DISP2: variants seen among roughly 807,000 people sequenced by gnomAD.
DISP2 encodes protein dispatched homolog 2.
A neutral mutation model predicts 95.5 loss-of-function variants in DISP2; 59 were observed. That is an observed-to-expected ratio of 0.62 (90% confidence interval 0.50 to 0.77). The LOEUF is 0.77. Among genes scored for constraint, DISP2 ranks in the 30% least tolerant of loss-of-function variants. The pLI is 0.00. For missense variants in DISP2, 1,752 were observed against 1,854.6 expected (o/e 0.94, Z 1.02); for synonymous variants, 827 against 815.0 (o/e 1.01, Z -0.25).
rs769590312 is a variant in DISP2 at position 40,368,974 on chromosome 15, T to C, written c.2862T>C (p.Tyr954=). The part of the protein sequence containing the change: ...RGWFTSRLEL[Y]SLQHSLSTEP... Reference sequence around the variant, plus strand: ...GGTTCACTAGCCGTCTAGAGCTGTATAGCCTGCAGCACAGCCTGAGCACTG... The same window carrying C: ...GGTTCACTAGCCGTCTAGAGCTGTACAGCCTGCAGCACAGCCTGAGCACTG... Residue 954 remains tyrosine (Y), a synonymous_variant, in exon 8 of 8, where the codon TAT becomes TAC. Coordinates refer to ENST00000267889, the MANE Select transcript of DISP2 (RefSeq NM_033510.3). The C allele has an allele frequency of 4.3e-6, 7 of 1,613,874 alleles. No individual in the cohort carries two copies. The highest frequency in any genetic ancestry group is 5.9e-6 in the Non-Finnish European group (7 of 1,180,052).
At position 40,367,894 on chromosome 15, in the gene DISP2, G is replaced by A. The variant is rs1383952485; in HGVS notation, c.1782G>A (p.Leu594=). ...TGCACCACTTCGGCTACCTGCTGCTGGTCTCCGGCCTCACCACGAGCGCGG... is the reference window on the plus strand; with the variant it reads ...TGCACCACTTCGGCTACCTGCTGCTAGTCTCCGGCCTCACCACGAGCGCGG... The part of the protein sequence containing the change: ...RTMHHFGYLL[L]VSGLTTSAAF... Residue 594 remains leucine (L), a synonymous_variant, in exon 8 of 8, where the codon CTG becomes CTA. Coordinates refer to ENST00000267889, the MANE Select transcript of DISP2 (RefSeq NM_033510.3). 2 of 1,598,552 alleles carry A rather than the reference G, an allele frequency of 1.3e-6. No homozygotes were observed. Among genetic ancestry groups the A allele is most frequent in the Non-Finnish European group, 1.7e-6 (2 of 1,179,424 alleles).
Position 40,369,929 on chromosome 15 carries a change from G to C in DISP2, c.3817G>C (p.Ala1273Pro), listed in dbSNP as rs1323647080. The change falls in exon 8 of 8, where the codon GCC becomes CCC. Residue 1273 changes from alanine to proline, a missense_variant. Ala to Pro is a conservative substitution (Grantham distance 27). Coordinates refer to ENST00000267889, the MANE Select transcript of DISP2 (RefSeq NM_033510.3). ...AGAAGCCCCAGCCCACTCTCCTAAG[G>C]CCAAGGCTGCAGATCCTCCTGATGG... Reference protein sequence around the residue: ...SPEAPAHSPKAKAADPPDGFC... With the variant: ...SPEAPAHSPKPKAADPPDGFC... 2 of 1,597,104 alleles carry C rather than the reference G, an allele frequency of 1.3e-6. No individual in the cohort carries two copies. The highest frequency in any genetic ancestry group is 1.7e-6 in the Non-Finnish European group (2 of 1,171,078).
chr15:40,367,561 C>A lies in DISP2; in HGVS notation c.1449C>A (p.His483Gln), dbSNP rs1310413543. 5 of 1,613,942 alleles carry A rather than the reference C, an allele frequency of 3.1e-6. No individual in the cohort carries two copies. The highest frequency in any genetic ancestry group is 4.2e-6 in the Non-Finnish European group (5 of 1,180,012). Residue 483 changes from histidine to glutamine, a missense_variant, in exon 8 of 8, where the codon CAC becomes CAA. Coordinates refer to ENST00000267889, the MANE Select transcript of DISP2 (RefSeq NM_033510.3). The stretch of plus-strand genomic sequence containing the variant: ...GCCTCAAGCAGGAGCTGCTGAGGCA[C>A]TTCCTGGTCCAGGACACGGTGTACC... ...DLGLKQELLRHFLVQDTVYPL... is the reference protein window; with the variant it reads ...DLGLKQELLRQFLVQDTVYPL...
chr15:40,366,525 C>G (rs970461240), intron 7 of DISP2, among the ~76,000 whole-genome samples: 1 of 152,224 alleles, frequency 6.6e-6, no homozygotes, highest in African/African-American at 2.4e-5. Flanking sequence ...GGTCAGTGCT[C>G]TCTGTACTAC....
At position 40,369,247 on chromosome 15, in the gene DISP2, C is replaced by T. The variant is rs1258083583; in HGVS notation, c.3135C>T (p.His1045=). ...NYCISYHLCP[H]PDRLSRVAFS... ...GCATCTCCTATCACCTGTGCCCACA[C>T]CCTGACCGCCTGAGCCGTGTGGCCT... The change falls in exon 8 of 8, where the codon CAC becomes CAT. Residue 1045 remains histidine, a synonymous_variant. Transcript: ENST00000267889. The T allele has an allele frequency of 2.5e-6, 4 of 1,613,740 alleles. No individual in the cohort carries two copies. The highest frequency in any genetic ancestry group is 3.4e-6 in the Non-Finnish European group (4 of 1,180,048).
chr15:40,369,776 C>T lies in DISP2; in HGVS notation c.3664C>T (p.Gln1222Ter). 6.2e-7 allele frequency: 1 copy of T among 1,605,342 alleles called. No homozygotes were observed. The highest frequency in any genetic ancestry group is 8.5e-7 in the Non-Finnish European group (1 of 1,176,128). ...ASPRELLLDH[Q>*]AVFSQCPALQ... Reference sequence around the variant, plus strand: ...CCCAAGGGAGCTGCTGCTGGACCACCAGGCAGTCTTCAGCCAGTGCCCTGC... The same window carrying T: ...CCCAAGGGAGCTGCTGCTGGACCACTAGGCAGTCTTCAGCCAGTGCCCTGC... The change falls in exon 8 of 8, where the codon CAG (glutamine) becomes TAG (stop). Residue 1222 changes from glutamine to a stop codon, truncating the protein, a stop_gained. Transcript: ENST00000267889. LOFTEE classifies it high-confidence loss of function.
chr15:40,358,386 G>A lies in DISP2; in HGVS notation c.65G>A (p.Gly22Glu), dbSNP rs1889351073. The change falls in exon 1 of 8, where the codon GGG becomes GAG. Residue 22 changes from glycine to glutamate, a missense_variant. Physicochemically the swap from Gly to Glu is moderately conservative, Grantham distance 98. Around this residue, in one of 5 missense-constraint regions of DISP2, gnomAD observed 342 missense variants for 364.3 expected, o/e 0.94. Transcript: ENST00000267889. ...CCGGCTCCCGGCCCGGGTCCGGAAG[G>A]GGAGCAACGGCCCGAGGGGGAGCCC... ...SGPAPGPGPE[G>E]EQRPEGEPLA... 1.5e-6 allele frequency: 2 copies of A among 1,358,810 alleles called. No individual in the cohort carries two copies. The highest frequency in any genetic ancestry group is 1.9e-6 in the Non-Finnish European group (2 of 1,058,760). 84.2% of individuals were successfully genotyped at this position (1,358,810 alleles called of 1,614,324 possible). A position where few individuals can be genotyped will look rare whatever the true frequency, so the allele number is the denominator to read the frequency against.
chr15:40,369,254 C>T lies in DISP2; in HGVS notation c.3142C>T (p.Arg1048Cys), dbSNP rs1889584522. The T allele has an allele frequency of 6.2e-7, 1 of 1,613,830 alleles. No homozygotes were observed. The highest frequency in any genetic ancestry group is 1.7e-5 in the Admixed American group (1 of 60,028). The change falls in exon 8 of 8, where the codon CGC becomes TGC. Residue 1048 changes from arginine (R) to cysteine (C), a missense_variant. By Grantham distance (180) the Arg-to-Cys change is radical. Transcript: ENST00000267889. Reference protein sequence around the residue: ...ISYHLCPHPDRLSRVAFSLRQ... With the variant: ...ISYHLCPHPDCLSRVAFSLRQ... ...CTATCACCTGTGCCCACACCCTGAC[C>T]GCCTGAGCCGTGTGGCCTTCTCTCT... is the stretch of plus-strand genomic sequence containing the variant.
chr15:40,369,920 T>C lies in DISP2; in HGVS notation c.3808T>C (p.Ser1270Pro). 6.3e-7 allele frequency: 1 copy of C among 1,580,824 alleles called. No individual in the cohort carries two copies. Among genetic ancestry groups the C allele is most frequent in the Non-Finnish European group, 8.6e-7 (1 of 1,161,538 alleles). Reference protein sequence around the residue: ...LPASPEAPAHSPKAKAADPPD... With the variant: ...LPASPEAPAHPPKAKAADPPD... ...AGCCTCACCAGAAGCCCCAGCCCAC[T>C]CTCCTAAGGCCAAGGCTGCAGATCC... is the stretch of plus-strand genomic sequence containing the variant. Residue 1270 changes from serine to proline, a missense_variant, in exon 8 of 8, where the codon TCT (serine) becomes CCT (proline). Coordinates refer to ENST00000267889, the MANE Select transcript of DISP2 (RefSeq NM_033510.3).
At position 40,368,919 on chromosome 15, in the gene DISP2, G is replaced by T. The variant is rs778248878; in HGVS notation, c.2807G>T (p.Gly936Val). The T allele has an allele frequency of 6.2e-6, 10 of 1,613,748 alleles. No individual in the cohort carries two copies. The highest frequency in any genetic ancestry group is 8.5e-6 in the Non-Finnish European group (10 of 1,180,056). ...AGCCACTGGCTGGCAGCGGAGCTGG[G>T]CATGGCACCTCCAGGCCTCCGCCGT... ...EVSHWLAAEL[G>V]MAPPGLRRGW... The change falls in exon 8 of 8, where the codon GGC becomes GTC. Residue 936 changes from glycine to valine, a missense_variant. By Grantham distance (109) the Gly-to-Val change is moderately radical. This residue lies in a region of DISP2 where 317 missense variants were observed against 394.9 expected (regional missense o/e 0.80). Transcript: ENST00000267889.
At chr15:40,361,040 G>A (rs1204451164) in intron 1 of DISP2, among the ~76,000 whole-genome samples, 1 of 152,246 alleles carries the variant, frequency 6.6e-6, no homozygotes, top group Admixed American at 6.5e-5. Context: ...CTGGCCCACA[G>A]GGATTGGCCT....
intron 6 of DISP2, among the ~76,000 whole-genome samples, 153 bp downstream of exon 6, chr15:40,365,427 G>A (rs1889481910): frequency 6.6e-6 from 1 of 152,214 alleles, no homozygotes; most frequent in Non-Finnish European, 1.5e-5. Context: ...AGCTGGGATA[G>A]GGGAGTTCTC....
At position 40,365,643 on chromosome 15, in the gene DISP2, A is replaced by T; in HGVS notation, c.863A>T (p.Lys288Met). The change falls in exon 7 of 8, where the codon AAG (lysine) becomes ATG (methionine). Residue 288 changes from lysine to methionine, a missense_variant. Lys to Met is a moderately conservative substitution (Grantham distance 95). This residue lies in a region of DISP2 where 14 missense variants were observed against 36.6 expected (regional missense o/e 0.38). Coordinates refer to ENST00000267889, the MANE Select transcript of DISP2 (RefSeq NM_033510.3). Reference sequence around the variant, plus strand: ...TATGTTGCAGAGAAGAGCTATGCAAAGCTGGTGTTCATGTCCACCTCCTCG... The same window carrying T: ...TATGTTGCAGAGAAGAGCTATGCAATGCTGGTGTTCATGTCCACCTCCTCG... ...FCGPPEKSYA[K>M]LVFMSTSSGS... 1 of 1,614,136 alleles carries T rather than the reference A, an allele frequency of 6.2e-7. No individual in the cohort carries two copies. Among genetic ancestry groups the T allele is most frequent in the Non-Finnish European group, 8.5e-7 (1 of 1,179,996 alleles).
chr15:40,367,939 G>A lies in DISP2; in HGVS notation c.1827G>A (p.Leu609=), dbSNP rs1313282167. 2 of 1,588,326 alleles carry A rather than the reference G, an allele frequency of 1.3e-6. No individual in the cohort carries two copies. The highest frequency in any genetic ancestry group is 8.5e-7 in the Non-Finnish European group (1 of 1,175,356). Residue 609 remains leucine (L), a synonymous_variant, in exon 8 of 8, where the codon CTG becomes CTA. Coordinates refer to ENST00000267889, the MANE Select transcript of DISP2 (RefSeq NM_033510.3). ...GCGCGGCCTTCTATGCCAGCTACCT[G>A]AGCCGCCTGCCGGCCGTTCGCTGCC... ...TTSAAFYASY[L]SRLPAVRCLA...
Position 40,375,380 on chromosome 15 carries a change from G to T in DISP2, c.*5062G>T, listed in dbSNP as rs1337408323. 6 of 152,298 alleles carry T rather than the reference G, an allele frequency of 3.9e-5. No homozygotes were observed. The highest frequency in any genetic ancestry group is 1.4e-4 in the African/African-American group (6 of 41,556). 9.4% of individuals were successfully genotyped at this position (152,298 alleles called of 1,614,324 possible). On this transcript the variant is annotated 3_prime_UTR_variant, in exon 8 of 8. Transcript: ENST00000267889. ...AAATCACACAGCTGAGCAGATTGAT[G>T]TAGATTTGAATTCATGACCACCTAT...
Position 40,369,436 on chromosome 15 carries a change from A to G in DISP2, c.3324A>G (p.Gln1108=), listed in dbSNP as rs1889591183. ...VSCGFASFFF[Q]SLCCFFGPEK... ...GTGGCTTTGCCAGCTTCTTCTTCCA[A>G]TCTCTCTGCTGTTTCTTCGGGCCAG... The change falls in exon 8 of 8, where the codon CAA becomes CAG. Residue 1108 remains glutamine, a synonymous_variant. Coordinates refer to ENST00000267889, the MANE Select transcript of DISP2 (RefSeq NM_033510.3). The G allele has an allele frequency of 6.2e-7, 1 of 1,613,308 alleles. No homozygotes were observed. Among genetic ancestry groups the G allele is most frequent in the Non-Finnish European group, 8.5e-7 (1 of 1,179,970 alleles).
chr15:40,362,089 A>G (rs1482183034), intron 1 of DISP2, among the ~76,000 whole-genome samples: 1 of 152,182 alleles, frequency 6.6e-6, no homozygotes, highest in African/African-American at 2.4e-5. Flanking sequence ...TATTGCCCTT[A>G]TGAGTAATTT....
At position 40,364,334 on chromosome 15, in the gene DISP2, C is replaced by G. The variant is rs137907031; in HGVS notation, c.479+79C>G. 1.7e-3 allele frequency: 2,670 copies of G among 1,613,386 alleles called. 38 individuals are homozygous for G. The African/African-American group carries it at 0.031, about 19-fold the overall frequency. Reference sequence around the variant, plus strand: ...AGCCCTGTTCCCCGTGCTCTCTGCTCTATCTAGCACCCCTTCTGGGTGGAG... The same window carrying G: ...AGCCCTGTTCCCCGTGCTCTCTGCTGTATCTAGCACCCCTTCTGGGTGGAG... On this transcript the variant is annotated intron_variant, in intron 3 of 7. Coordinates refer to ENST00000267889, the MANE Select transcript of DISP2 (RefSeq NM_033510.3).
rs951410433 is a variant in DISP2 at position 40,368,389 on chromosome 15, C to G, written c.2277C>G (p.Phe759Leu). ...CGGAGTATCGCCAGCTGTTCCTGTT[C>G]GAGCAGCTGCCGCAGGGCGAGGGCG... is the stretch of plus-strand genomic sequence containing the variant. ...FDAEYRQLFL[F>L]EQLPQGEGGH... Residue 759 changes from phenylalanine (F) to leucine (L), a missense_variant, in exon 8 of 8, where the codon TTC (phenylalanine) becomes TTG (leucine). Around this residue, in one of 5 missense-constraint regions of DISP2, gnomAD observed 732 missense variants for 714.6 expected, o/e 1.02. Transcript: ENST00000267889. The G allele has an allele frequency of 6.2e-7, 1 of 1,607,712 alleles. No homozygotes were observed. The highest frequency in any genetic ancestry group is 8.5e-7 in the Non-Finnish European group (1 of 1,179,746).
Sources: allele counts gnomAD v4.1 joint callset (sites outside exome capture counted in the v4.1 genomes callset), GRCh38; gene constraint gnomAD v4.1.1; regional missense constraint gnomAD v4.1.1; transcripts MANE v1.5; gene names NCBI Gene and HGNC (gene_info 2026-07-23, HGNC 2026-07-21).